Variants in FYB1 observed in about 807,000 individuals in gnomAD.
FYB1 encodes FYN binding protein 1.
Under a neutral mutation model 94.1 loss-of-function variants are expected in FYB1, and 41 were observed. The ratio of observed to expected loss-of-function variants is 0.44; its 90% confidence interval spans 0.34 to 0.57. The LOEUF (loss-of-function observed/expected upper bound fraction) is 0.57, where lower values mean the gene tolerates loss of function less well. Ranked by LOEUF, FYB1 falls within the 20% of genes least tolerant of loss-of-function variation. The probability of loss-of-function intolerance (pLI) is 0.02; values close to 1 mark genes in which losing one functional copy is unlikely to be tolerated. For missense variants in FYB1, 1,050 were observed against 976.8 expected (o/e 1.07, Z -1.00); for synonymous variants, 367 against 353.2 (o/e 1.04, Z -0.44).
At chr5:39,130,506 A>T in intron 10 of FYB1, 84 bp downstream of exon 10, 1 of 1,088,412 alleles carries the variant, frequency 9.2e-7, no homozygotes, top group Non-Finnish European at 1.4e-6. Flanking sequence ...CTATGCATGT[A>T]ACAAAATAAC....
chr5:39,188,817 G>A (rs894166366), intron 2 of FYB1, among the ~76,000 whole-genome samples: 2 of 152,048 alleles, frequency 1.3e-5, no homozygotes, highest in African/African-American at 4.8e-5. Flanking sequence ...ACTAGCGTGA[G>A]CCACTGCGCC....
intron 15 of FYB1, 24 bp downstream of exon 15, chr5:39,119,511 G>A: frequency 6.8e-7 from 1 of 1,471,160 alleles, no homozygotes; most frequent in Non-Finnish European, 9.1e-7. Context: ...TTTGTACTTT[G>A]TATAATATTT....
At chr5:39,249,486 C>G (rs527894828) in intron 1 of FYB1, among the ~76,000 whole-genome samples, 1 of 152,162 alleles carries the variant, frequency 6.6e-6, no homozygotes, top group African/African-American at 2.4e-5. Flanking sequence ...TTTGCTGACC[C>G]CTGCACTTGG....
chr5:39,226,986 T>A (rs956671718), intron 1 of FYB1, among the ~76,000 whole-genome samples: 2 of 152,206 alleles, frequency 1.3e-5, no homozygotes, highest in Non-Finnish European at 2.9e-5. Flanking sequence ...TGACTACACA[T>A]TTGTCTGTGG....
chr5:39,267,874 C>G (rs772933213), intron 1 of FYB1, among the ~76,000 whole-genome samples: 1 of 152,114 alleles, frequency 6.6e-6, no homozygotes, highest in African/African-American at 2.4e-5. Context: ...AATAATCAGA[C>G]AAAGTATATA....
At chr5:39,214,283 T>C (rs1749671161) in intron 1 of FYB1, among the ~76,000 whole-genome samples, 1 of 152,252 alleles carries the variant, frequency 6.6e-6, no homozygotes, top group South Asian at 2.1e-4. Flanking sequence ...GCTTGTGCAC[T>C]GCTGGTGGGA....
chr5:39,199,212 A>G (rs921752958), intron 2 of FYB1, among the ~76,000 whole-genome samples: 1 of 152,126 alleles, frequency 6.6e-6, no homozygotes, highest in African/African-American at 2.4e-5. Flanking sequence ...ACAGAAATTT[A>G]ATTCTTTTCT....
At chr5:39,273,235 A>G (rs1752714732) in intron 1 of FYB1, among the ~76,000 whole-genome samples, 1 of 152,318 alleles carries the variant, frequency 6.6e-6, no homozygotes, top group Non-Finnish European at 1.5e-5. Context: ...GAGAAATCGG[A>G]TGGTTGCTGT....
At chr5:39,110,414 T>C (rs779071794) in intron 16 of FYB1, 25 bp from the exon 17 acceptor site, 1 of 1,535,002 alleles carries the variant, frequency 6.5e-7, no homozygotes, top group East Asian at 2.3e-5. Context: ...GGAAATAAAT[T>C]GTATCAATAA....
At chr5:39,204,617 C>A (rs1390807904) in intron 1 of FYB1, among the ~76,000 whole-genome samples, 2 of 152,150 alleles carry the variant, frequency 1.3e-5, no homozygotes, top group Admixed American at 1.3e-4. Context: ...TGTCTCATTT[C>A]TTTTTGTATC....
At chr5:39,180,462 T>C (rs960862417) in intron 2 of FYB1, among the ~76,000 whole-genome samples, 2 of 152,210 alleles carry the variant, frequency 1.3e-5, no homozygotes, top group Non-Finnish European at 2.9e-5. Flanking sequence ...GTGATGAGCA[T>C]ATGCTTTTGG....
chr5:39,164,604 A>G (rs1744557513), intron 2 of FYB1, among the ~76,000 whole-genome samples: 1 of 152,090 alleles, frequency 6.6e-6, no homozygotes, highest in Non-Finnish European at 1.5e-5. Flanking sequence ...GTGTATTTTT[A>G]GTAGAGACAG....
intron 1 of FYB1, among the ~76,000 whole-genome samples, chr5:39,254,305 C>T (rs954806614): frequency 3.3e-5 from 5 of 152,140 alleles, no homozygotes; most frequent in Non-Finnish European, 5.9e-5. Context: ...AATTTACACT[C>T]CCATCAAAGG....
Position 39,126,122 on chromosome 5 carries a change from C to A in FYB1, c.1921G>T (p.Val641Phe). Reference protein sequence around the residue: ...EDADDGSTLQVQEKSNTWSWG... With the variant: ...EDADDGSTLQFQEKSNTWSWG... ...GACCACGTATTACTCTTCTCTTGAA[C>A]CTGTAGTGTGGAGCTTTGGAGCATG... The change falls in exon 12 of 19, where the codon GTT becomes TTT. Residue 641 changes from valine (V) to phenylalanine (F), a missense_variant. Coordinates refer to ENST00000512982, the MANE Select transcript of FYB1 (RefSeq NM_001465.6). 1.9e-6 allele frequency: 3 copies of A among 1,613,390 alleles called. No individual in the cohort carries two copies. The highest frequency in any genetic ancestry group is 2.5e-6 in the Non-Finnish European group (3 of 1,179,568).
rs142472884 is a variant in FYB1 at position 39,265,978 on chromosome 5, GTTTTTT to G, written c.-28+8419_-28+8424del. Among the ~76,000 whole-genome samples, 3 of 134,216 alleles carry G rather than the reference GTTTTTT, an allele frequency of 2.2e-5. No homozygotes were observed. In the Admixed American group the frequency reaches 2.3e-4, roughly 10 times the overall value. 88.1% of individuals were successfully genotyped at this position (134,216 alleles called of 152,430 possible). ...AGAAACCCCAAACACAATTTTTACT[GTTTTTT>G]TTTTTTTTTACTGACCTAAGGTTTA... On this transcript the variant is annotated intron_variant, in intron 1 of 1. Transcript: ENST00000510188.
chr5:39,242,055 A>G (rs1751232973), intron 1 of FYB1, among the ~76,000 whole-genome samples: 1 of 152,124 alleles, frequency 6.6e-6, no homozygotes, highest in African/African-American at 2.4e-5. Flanking sequence ...GGAACTGTTA[A>G]ATCACTATTT....
At chr5:39,231,456 AC>A (rs1245740688) in intron 1 of FYB1, among the ~76,000 whole-genome samples, 1 of 152,162 alleles carries the variant, frequency 6.6e-6, no homozygotes, top group African/African-American at 2.4e-5. Context: ...CTCTCAAGAA[AC>A]CCAAGGCTAT....
At chr5:39,262,453 C>T (rs1284108423) in intron 1 of FYB1, among the ~76,000 whole-genome samples, 2 of 152,100 alleles carry the variant, frequency 1.3e-5, no homozygotes, top group East Asian at 1.9e-4. Context: ...TACAGTTTTA[C>T]GTGTAACAAA....
intron 6 of FYB1, 141 bp from the exon 7 acceptor site, chr5:39,137,861 T>A: frequency 9.3e-7 from 1 of 1,069,680 alleles, no homozygotes; most frequent in South Asian, 1.5e-5. Flanking sequence ...GTTGTCAAAA[T>A]CCGGAATGTG....
Sources: allele counts gnomAD v4.1 joint callset (sites outside exome capture counted in the v4.1 genomes callset), GRCh38; gene constraint gnomAD v4.1.1; transcripts MANE v1.5; gene names NCBI Gene and HGNC (gene_info 2026-07-23, HGNC 2026-07-21).